NDUFA9: variants seen among roughly 807,000 people sequenced by gnomAD.
NDUFA9 encodes the protein NADH dehydrogenase [ubiquinone] 1 alpha subcomplex subunit 9, mitochondrial.
NDUFA9 carries 23 observed loss-of-function variants against 45.9 expected under a neutral mutation model. The observed-to-expected ratio is 0.50, with a 90% confidence interval of 0.36 to 0.71. The LOEUF (loss-of-function observed/expected upper bound fraction) is 0.71, where lower values mean the gene tolerates loss of function less well. Ranked by LOEUF, NDUFA9 falls within the 30% of genes least tolerant of loss-of-function variation. NDUFA9 has a pLI of 0.00. For missense variants in NDUFA9, 466 were observed against 488.2 expected (o/e 0.95, Z 0.43); for synonymous variants, 176 against 170.5 (o/e 1.03, Z -0.25).
rs148477287 is a variant in NDUFA9 at position 4,657,759 on chromosome 12, G to T, written c.330G>T (p.Ala110=). ...LGQLLFLEWD[A]RDKDSIRRVV... Reference sequence around the variant, plus strand: ...TTCTGCTATTATAGGAATGGGACGCGAGAGATAAAGATTCTATCCGACGAG... The same window carrying T: ...TTCTGCTATTATAGGAATGGGACGCTAGAGATAAAGATTCTATCCGACGAG... Residue 110 remains alanine (A), a synonymous_variant, in exon 4 of 11, where the codon GCG becomes GCT. Transcript: ENST00000266544. The T allele has an allele frequency of 6.0e-4, 966 of 1,612,806 alleles. 6 individuals are homozygous for T. In the African/African-American group the frequency reaches 9.6e-3, roughly 16 times the overall value.
rs1946020454 is a variant in NDUFA9, at chr12:4,691,845, C to G, written c.*4737C>G. 6.6e-6 allele frequency: 1 copy of G among 151,176 alleles called. No homozygotes were observed. Among genetic ancestry groups the G allele is most frequent in the Admixed American group, 6.6e-5 (1 of 15,178 alleles). The allele number at this position is 151,176 out of a possible 1,614,324, so 9.4% of individuals were successfully genotyped here. On this transcript the variant is annotated 3_prime_UTR_variant, in exon 11 of 11. Transcript: ENST00000266544. ...GGGGGTCATGGGTCATCTGTGTTTGCTGATTGGCTTTATCCAAAGGAAGAG... is the reference window on the plus strand; with the variant it reads ...GGGGGTCATGGGTCATCTGTGTTTGGTGATTGGCTTTATCCAAAGGAAGAG...
intron 8 of NDUFA9, among the ~76,000 whole-genome samples, chr12:4,681,375 AT>A (rs1289739073): frequency 6.6e-6 from 1 of 151,796 alleles, no homozygotes; most frequent in Non-Finnish European, 1.5e-5. Context: ...CTTACAAATT[AT>A]TTTTATAGAC....
chr12:4,672,871 T>C (rs762636800), intron 8 of NDUFA9, among the ~76,000 whole-genome samples: 4 of 152,132 alleles, frequency 2.6e-5, no homozygotes, highest in Non-Finnish European at 5.9e-5. Context: ...AGCACAGCAT[T>C]TGAGCTCTGA....
chr12:4,681,747 C>T (rs4147691), intron 8 of NDUFA9, among the ~76,000 whole-genome samples: 29,258 of 151,272 alleles, frequency 0.19, 3,259 homozygotes, highest in East Asian at 0.45. Context: ...ATTCTAAATG[C>T]GTAATCATGG....
chr12:4,677,455 G>GA (rs1187161155), intron 8 of NDUFA9, among the ~76,000 whole-genome samples: 3 of 152,004 alleles, frequency 2.0e-5, no homozygotes, highest in African/African-American at 7.2e-5. Flanking sequence ...AGATTTACAA[G>GA]AAAAAAACTT....
At chr12:4,649,498 T>A (rs1258294585) in intron 1 of NDUFA9, among the ~76,000 whole-genome samples, 3 of 151,574 alleles carry the variant, frequency 2.0e-5, no homozygotes, top group Non-Finnish European at 2.9e-5. Context: ...GAAATATTTG[T>A]ATGGGGCGGG....
chr12:4,686,834 A>G, intron 10 of NDUFA9, 104 bp from the exon 11 acceptor site: 1 of 1,094,384 alleles, frequency 9.1e-7, no homozygotes, highest in Non-Finnish European at 1.3e-6. Flanking sequence ...ATTAAGTCTC[A>G]ATAATAGGAC....
At chr12:4,674,431 A>G (rs914870659) in intron 8 of NDUFA9, among the ~76,000 whole-genome samples, 6 of 152,232 alleles carry the variant, frequency 3.9e-5, no homozygotes, top group African/African-American at 1.4e-4. Flanking sequence ...CAGGAGACCC[A>G]TTTCACATGC....
At chr12:4,676,689 A>G (rs980683192) in intron 8 of NDUFA9, among the ~76,000 whole-genome samples, 3 of 152,242 alleles carry the variant, frequency 2.0e-5, no homozygotes, top group Non-Finnish European at 4.4e-5. Context: ...GATCATGGAT[A>G]GAAAGAATCA....
intron 2 of NDUFA9, 75 bp downstream of exon 2, chr12:4,654,537 T>C: frequency 1.4e-6 from 2 of 1,476,384 alleles, no homozygotes; most frequent in Non-Finnish European, 1.9e-6. Flanking sequence ...ATGAGCTATG[T>C]TTCTCTTCAT....
chr12:4,663,845 C>G (rs990297187), intron 6 of NDUFA9, among the ~76,000 whole-genome samples: 3 of 152,040 alleles, frequency 2.0e-5, no homozygotes, highest in African/African-American at 7.2e-5. Context: ...TTTGAGGTAC[C>G]TGGTAGAAAT....
At chr12:4,686,873 G>T (rs763380705) in intron 10 of NDUFA9, 65 bp from the exon 11 acceptor site, 1 of 1,488,424 alleles carries the variant, frequency 6.7e-7, no homozygotes, top group Non-Finnish European at 9.2e-7. Context: ...TTAAGTGCCT[G>T]CTAGGATAGC....
rs564364063 is a variant in NDUFA9, at chr12:4,693,955, G to A, written c.*6847G>A. On this transcript the variant is annotated 3_prime_UTR_variant, in exon 11 of 11. Transcript: ENST00000266544. The stretch of plus-strand genomic sequence containing the variant: ...GAAAAACACATCTTTTCTGGGGCTA[G>A]ACAGTCCATAAATAGGACTTGGAAA... 5.3e-5 allele frequency: 8 copies of A among 152,330 alleles called. No individual in the cohort carries two copies. In the South Asian group the frequency reaches 1.7e-3, roughly 32 times the overall value. The allele number at this position is 152,330 out of a possible 1,614,324, so 9.4% of individuals were successfully genotyped here.
In NDUFA9 at chr12:4,669,921, A is replaced by G. The variant is rs1009633; in HGVS notation, c.800+104A>G. 0.57 allele frequency: 477,450 copies of G among 834,894 alleles called. 139,194 individuals carry two copies. Among genetic ancestry groups the G allele is most frequent in the Non-Finnish European group, 0.62 (306,897 of 496,224 alleles). 51.7% of individuals were successfully genotyped at this position (834,894 alleles called of 1,614,324 possible). On this transcript the variant is annotated intron_variant, in intron 8 of 10. Transcript: ENST00000266544. ...TATTTGTTGCACTTTTACAATATCAAAATCTCCTCATTGCTTGCATTAAAT... is the reference window on the plus strand; with the variant it reads ...TATTTGTTGCACTTTTACAATATCAGAATCTCCTCATTGCTTGCATTAAAT...
Position 4,682,748 on chromosome 12 carries a change from T to G in NDUFA9, c.896+448T>G, listed in dbSNP as rs60292556. On this transcript the variant is annotated intron_variant, in intron 9 of 10. Coordinates refer to ENST00000266544, the MANE Select transcript of NDUFA9 (RefSeq NM_005002.5). ...TTCTCTTCTTTCCCTGCTTCTTAGT[T>G]TACTTCTTCTCTTTGTGGGTTAAAT... is the stretch of plus-strand genomic sequence containing the variant. 2.3e-3 allele frequency among the ~76,000 whole-genome samples: 345 copies of G among 152,328 alleles called. 2 individuals carry two copies. Among genetic ancestry groups the G allele is most frequent in the African/African-American group, 7.8e-3 (323 of 41,576 alleles).
intron 7 of NDUFA9, 80 bp downstream of exon 7, chr12:4,668,604 T>TA (rs1945867390): frequency 5.5e-6 from 7 of 1,273,030 alleles, no homozygotes; most frequent in Non-Finnish European, 8.0e-6. Context: ...GGTTTTGTCC[T>TA]AATTTAGTAA....
rs117919566 is a variant in NDUFA9, at chr12:4,650,802, C to A, written c.49+1627C>A. Among the ~76,000 whole-genome samples the A allele has an allele frequency of 2.0e-3, 302 of 152,194 alleles. 9 individuals carry two copies. The East Asian group carries it at 0.055, about 28-fold the overall frequency. On this transcript the variant is annotated intron_variant, in intron 1 of 10. Transcript: ENST00000266544. ...GATCTGGAAAGTCCTCTGGCAAAGA[C>A]AAGTGGGTGAGAATGGAGTCATGAG...
intron 6 of NDUFA9, among the ~76,000 whole-genome samples, chr12:4,665,363 C>T (rs181093048): frequency 1.2e-3 from 177 of 152,302 alleles, no homozygotes; most frequent in Non-Finnish European, 2.1e-3. Context: ...GCTTATTTGA[C>T]TTAGCATAAT....
chr12:4,669,549 A>G (rs1210792103), intron 7 of NDUFA9, among the ~76,000 whole-genome samples, 192 bp from the exon 8 acceptor site: 2 of 152,212 alleles, frequency 1.3e-5, no homozygotes, highest in African/African-American at 4.8e-5. Flanking sequence ...CATTCTTTTA[A>G]GAAGCTTTCT....
Sources: gnomAD v4.1 joint callset for allele counts (sites outside exome capture counted in the v4.1 genomes callset) on GRCh38, gnomAD v4.1.1 for gene constraint, MANE v1.5 for transcripts, NCBI Gene and HGNC (gene_info 2026-07-23, HGNC 2026-07-21) for gene names.